Variants in BTBD9 observed in about 807,000 individuals in gnomAD.
The protein encoded by BTBD9 is BTB domain containing 9.
Under a neutral mutation model 64.3 loss-of-function variants are expected in BTBD9, and 49 were observed. That is an observed-to-expected ratio of 0.76 (90% confidence interval 0.61 to 0.97). The LOEUF is 0.97. BTBD9 is among the 50% of genes least tolerant of loss of function. The pLI is 0.00. For synonymous variants in BTBD9, 260 were observed against 274.7 expected, an observed-to-expected ratio of 0.95 and a Z score of 0.53; for missense variants, 598 against 762.1, an observed-to-expected ratio of 0.78 and a Z score of 2.53.
At chr6:38,457,037 G>A (rs543270453) in intron 6 of BTBD9, among the ~76,000 whole-genome samples, 5 of 152,260 alleles carry the variant, frequency 3.3e-5, no homozygotes, top group East Asian at 3.9e-4. Flanking sequence ...AATATCCAGC[G>A]AGAGAGAAGA....
intron 6 of BTBD9, among the ~76,000 whole-genome samples, chr6:38,435,127 G>A (rs573127605): frequency 2.2e-4 from 33 of 148,644 alleles, no homozygotes; most frequent in African/African-American, 7.7e-4. Context: ...CTGGAAGGCA[G>A]AGGTTGCAGT....
At chr6:38,226,066 G>C (rs1011606109) in intron 9 of BTBD9, among the ~76,000 whole-genome samples, 2 of 152,172 alleles carry the variant, frequency 1.3e-5, no homozygotes, top group African/African-American at 4.8e-5. Context: ...AAAGTACTTA[G>C]CTCTTCCTGT....
intron 9 of BTBD9, among the ~76,000 whole-genome samples, chr6:38,245,720 C>A (rs1764169222): frequency 6.6e-6 from 1 of 152,018 alleles, no homozygotes; most frequent in Non-Finnish European, 1.5e-5. Context: ...GGGGGTCAGT[C>A]AGTAGAGTGG....
At chr6:38,569,418 G>T (rs1359532125) in intron 6 of BTBD9, among the ~76,000 whole-genome samples, 2 of 152,174 alleles carry the variant, frequency 1.3e-5, no homozygotes. Flanking sequence ...CATAGAAGGT[G>T]CTACCTGAAC....
In BTBD9 at chr6:38,280,916, T is replaced by A. The variant is rs754238966; in HGVS notation, c.1454+7356A>T. ...TAGTCAATGAGTGTTTATTGAGTAC[T>A]CACAGCACAGAGAAGCATACTATGC... On this transcript the variant is annotated intron_variant, in intron 8 of 10. Transcript: ENST00000481247. 8.0e-4 allele frequency among the ~76,000 whole-genome samples: 122 copies of A among 152,242 alleles called. 1 individual carries two copies. Among genetic ancestry groups the A allele is most frequent in the Admixed American group, 3.9e-4 (6 of 15,286 alleles).
intron 10 of BTBD9, among the ~76,000 whole-genome samples, chr6:38,187,372 A>G (rs922522712): frequency 1.3e-5 from 2 of 152,160 alleles, no homozygotes; most frequent in African/African-American, 2.4e-5. Context: ...GTGACTGAGG[A>G]AATGGTCAAG....
At chr6:38,196,129 G>A (rs897697994) in intron 9 of BTBD9, among the ~76,000 whole-genome samples, 3 of 152,182 alleles carry the variant, frequency 2.0e-5, no homozygotes, top group Admixed American at 6.5e-5. Context: ...CTGGTCTTTC[G>A]GGACTAGGGG....
rs532590304 is a variant in BTBD9 at position 38,268,554 on chromosome 6, C to T, written c.1455-12038G>A. 1.5e-4 allele frequency among the ~76,000 whole-genome samples: 23 copies of T among 152,316 alleles called. 1 individual carries two copies. The highest frequency in any genetic ancestry group is 6.2e-4 in the South Asian group (3 of 4,824). On this transcript the variant is annotated intron_variant, in intron 8 of 10. Transcript: ENST00000481247. ...CGGCAAAACTCTTCCTGTTCAATCA[C>T]GTAATCTCTCTATTTTTGTTCTTAC... is the stretch of plus-strand genomic sequence containing the variant.
At chr6:38,544,303 T>C (rs1774429240) in intron 6 of BTBD9, among the ~76,000 whole-genome samples, 2 of 152,110 alleles carry the variant, frequency 1.3e-5, no homozygotes, top group Admixed American at 6.5e-5. Flanking sequence ...GGGATTTTAG[T>C]ATCCATGGGA....
chr6:38,255,431 A>G (rs1764541836), intron 9 of BTBD9, among the ~76,000 whole-genome samples: 1 of 152,230 alleles, frequency 6.6e-6, no homozygotes, highest in Non-Finnish European at 1.5e-5. Context: ...TGTGAATTAT[A>G]TATCAATTTT....
chr6:38,278,301 A>C (rs916133773), intron 8 of BTBD9, among the ~76,000 whole-genome samples: 1 of 152,242 alleles, frequency 6.6e-6, no homozygotes, highest in Non-Finnish European at 1.5e-5. Flanking sequence ...CAAACAAACA[A>C]AACAAAAAAT....
intron 1 of BTBD9, among the ~76,000 whole-genome samples, chr6:38,631,307 C>T (rs1778353010): frequency 6.6e-6 from 1 of 152,150 alleles, no homozygotes; most frequent in East Asian, 1.9e-4. Context: ...AGACAATCAA[C>T]ATCAACTGAA....
At position 38,307,985 on chromosome 6, in the gene BTBD9, C is replaced by G. The variant is rs371200108; in HGVS notation, c.1265-19524G>C. Among the ~76,000 whole-genome samples, 10 of 152,274 alleles carry G rather than the reference C, an allele frequency of 6.6e-5. No homozygotes were observed. In the East Asian group the frequency reaches 1.5e-3, roughly 23 times the overall value. On this transcript the variant is annotated intron_variant, in intron 7 of 10. Transcript: ENST00000481247. ...AGTAGATCTCAAACATACAAGTTCA[C>G]CAGGATCAGTGAATTTTCTCTCTCT...
At chr6:38,339,144 AG>A (rs1256680020) in intron 7 of BTBD9, among the ~76,000 whole-genome samples, 3 of 152,254 alleles carry the variant, frequency 2.0e-5, no homozygotes, top group African/African-American at 7.2e-5. Context: ...TGGCAAAAAT[AG>A]GAAAAGACTT....
chr6:38,411,545 GCAAA>G (rs1361883338), intron 6 of BTBD9, among the ~76,000 whole-genome samples: 5 of 151,972 alleles, frequency 3.3e-5, no homozygotes. Flanking sequence ...TAGTTCCAAA[GCAAA>G]CAAACAAAAA....
At chr6:38,606,304 T>C (rs1777431380) in intron 1 of BTBD9, among the ~76,000 whole-genome samples, 1 of 152,144 alleles carries the variant, frequency 6.6e-6, no homozygotes, top group African/African-American at 2.4e-5. Flanking sequence ...TATATACATC[T>C]ATCCTATCAA....
At chr6:38,395,174 T>C (rs1306333279) in intron 6 of BTBD9, among the ~76,000 whole-genome samples, 1 of 152,098 alleles carries the variant, frequency 6.6e-6, no homozygotes, top group Non-Finnish European at 1.5e-5. Flanking sequence ...TTCACACCCA[T>C]AATCCTAATA....
Position 38,544,226 on chromosome 6 carries a change from T to C in BTBD9, c.1154+33374A>G, listed in dbSNP as rs140225834. 4.9e-3 allele frequency among the ~76,000 whole-genome samples: 750 copies of C among 152,328 alleles called. 12 individuals carry two copies. The highest frequency in any genetic ancestry group is 0.017 in the African/African-American group (717 of 41,578). The stretch of plus-strand genomic sequence containing the variant: ...AGTAATCCAGAGATGACTTTAAGTA[T>C]ACAGGAGGATATGTGTAGGTTATGT... On this transcript the variant is annotated intron_variant, in intron 6 of 10. Transcript: ENST00000481247.
At chr6:38,484,777 T>C (rs1187562049) in intron 6 of BTBD9, among the ~76,000 whole-genome samples, 12 of 152,232 alleles carry the variant, frequency 7.9e-5, no homozygotes, top group Admixed American at 7.9e-4. Flanking sequence ...CTAAAAAATG[T>C]TAACAATCAT....
Sources: gnomAD v4.1 joint callset for allele counts (sites outside exome capture counted in the v4.1 genomes callset) on GRCh38, gnomAD v4.1.1 for gene constraint, MANE v1.5 for transcripts, NCBI Gene and HGNC (gene_info 2026-07-23, HGNC 2026-07-21) for gene names.